Variants in FSTL5 observed in about 807,000 individuals in gnomAD.
FSTL5 encodes the protein follistatin like 5.
FSTL5 carries 62 observed loss-of-function variants against 89.1 expected under a neutral mutation model. The observed-to-expected ratio is 0.70, with a 90% CI of 0.57 to 0.86. The LOEUF is 0.86. Among genes scored for constraint, FSTL5 ranks in the 40% least tolerant of loss-of-function variants. The pLI, the probability that FSTL5 is intolerant of heterozygous loss-of-function variation, is 0.00. For missense variants in FSTL5, 1,057 were observed against 1,001.6 expected (o/e 1.06, Z -0.75); for synonymous variants, 383 against 346.2 (o/e 1.11, Z -1.18).
At chr4:161,667,186 T>C (rs1736931615) in intron 6 of FSTL5, among the ~76,000 whole-genome samples, 1 of 152,136 alleles carries the variant, frequency 6.6e-6, no homozygotes, top group South Asian at 2.1e-4. Context: ...AGGGTTCTGT[T>C]AACTTTCATT....
intron 7 of FSTL5, among the ~76,000 whole-genome samples, chr4:161,626,706 G>A (rs569986234): frequency 6.6e-6 from 1 of 152,280 alleles, no homozygotes; most frequent in East Asian, 1.9e-4. Context: ...ATCTGGGCAT[G>A]ATAAATTGAA....
At chr4:161,397,611 A>T (rs1342328909) in intron 15 of FSTL5, among the ~76,000 whole-genome samples, 1 of 150,522 alleles carries the variant, frequency 6.6e-6, no homozygotes, top group Non-Finnish European at 1.5e-5. Flanking sequence ...TGGTATTAAT[A>T]GTATTATAAT....
chr4:161,823,410 AG>A (rs1246486058), intron 4 of FSTL5, among the ~76,000 whole-genome samples: 2 of 152,328 alleles, frequency 1.3e-5, no homozygotes, highest in East Asian at 3.9e-4. Flanking sequence ...GGACTGAGAC[AG>A]CAGTGGGGCT....
At chr4:161,864,362 T>G (rs1732010978) in intron 4 of FSTL5, among the ~76,000 whole-genome samples, 1 of 152,192 alleles carries the variant, frequency 6.6e-6, no homozygotes, top group Non-Finnish European at 1.5e-5. Context: ...ATCTAAGTCA[T>G]GTGAAGCTCA....
chr4:162,015,531 C>G (rs62329595), intron 3 of FSTL5, among the ~76,000 whole-genome samples: 38,445 of 152,164 alleles, frequency 0.25, 5,444 homozygotes, highest in Non-Finnish European at 0.32. Flanking sequence ...ATAACTTAGC[C>G]TGAACCCAGA....
chr4:162,065,279 G>A (rs1738856776), intron 2 of FSTL5, among the ~76,000 whole-genome samples: 1 of 151,816 alleles, frequency 6.6e-6, no homozygotes, highest in African/African-American at 2.4e-5. Context: ...TATAATGGGT[G>A]AAAATATGTA....
In FSTL5 at chr4:161,728,587, C is replaced by T. The variant is rs1739501000; in HGVS notation, c.727+30824G>A. On this transcript the variant is annotated intron_variant, in intron 6 of 15. Transcript: ENST00000306100. ...GAGAATTCATCTAATCATATATATA[C>T]ACATATATATATGATGACAAAGAAG... 2.0e-5 allele frequency among the ~76,000 whole-genome samples: 3 copies of T among 151,924 alleles called. No individual in the cohort carries two copies. The South Asian group carries it at 6.2e-4, about 31-fold the overall frequency.
intron 3 of FSTL5, among the ~76,000 whole-genome samples, chr4:161,929,971 C>G (rs1382210980): frequency 6.6e-6 from 1 of 151,694 alleles, no homozygotes. Flanking sequence ...ACATTTTCTT[C>G]ACACCTAATG....
chr4:161,797,345 T>C (rs1042818195), intron 4 of FSTL5, among the ~76,000 whole-genome samples: 15 of 151,636 alleles, frequency 9.9e-5, no homozygotes, highest in Admixed American at 7.9e-4. Context: ...TTTCTCTCAA[T>C]TGGGTTAAAT....
intron 7 of FSTL5, among the ~76,000 whole-genome samples, chr4:161,644,768 T>C (rs1736088370): frequency 6.6e-6 from 1 of 152,184 alleles, no homozygotes; most frequent in African/African-American, 2.4e-5. Flanking sequence ...TCTCTGGTTA[T>C]AATATAAAGT....
At chr4:161,914,223 C>T (rs1454106451) in intron 4 of FSTL5, among the ~76,000 whole-genome samples, 1 of 151,886 alleles carries the variant, frequency 6.6e-6, no homozygotes, top group Non-Finnish European at 1.5e-5. Flanking sequence ...AGTGGAATAT[C>T]CATAAATCTA....
At chr4:161,539,367 C>T (rs143284693) in intron 9 of FSTL5, among the ~76,000 whole-genome samples, 17 of 152,130 alleles carry the variant, frequency 1.1e-4, no homozygotes, top group African/African-American at 3.1e-4. Context: ...TGATTGCCAT[C>T]GCTAGGAGCC....
rs753315476 is a variant in FSTL5 at position 161,775,967 on chromosome 4, TGTC to T, written c.514_516del (p.Asp172del). ...TCCACCAATAGCTTCTTCCGAGATA[TGTC>T]GTCGCCATTAGGATTTTCATTTTCT... On this transcript the variant is annotated inframe_deletion, in exon 5 of 16. Coordinates refer to ENST00000306100, the MANE Select transcript of FSTL5 (RefSeq NM_020116.5). 6.2e-7 allele frequency: 1 copy of T among 1,607,302 alleles called. No individual in the cohort carries two copies. The highest frequency in any genetic ancestry group is 8.5e-7 in the Non-Finnish European group (1 of 1,175,718).
intron 4 of FSTL5, among the ~76,000 whole-genome samples, chr4:161,793,212 C>A (rs986103040): frequency 5.9e-5 from 9 of 152,198 alleles, no homozygotes; most frequent in African/African-American, 1.9e-4. Flanking sequence ...AGACCCTGTG[C>A]TCATTCACCC....
At chr4:161,730,832 G>T (rs79028799) in intron 6 of FSTL5, among the ~76,000 whole-genome samples, 2,066 of 152,184 alleles carry the variant, frequency 0.014, 22 homozygotes, top group Non-Finnish European at 0.019. Context: ...GAAACACCAA[G>T]TATCTCATGA....
At chr4:162,162,868 G>GT (rs1375243709) in intron 1 of FSTL5, among the ~76,000 whole-genome samples, 2 of 152,138 alleles carry the variant, frequency 1.3e-5, no homozygotes, top group Non-Finnish European at 2.9e-5. Flanking sequence ...AGCGAATACT[G>GT]TATTATTAAA....
intron 2 of FSTL5, among the ~76,000 whole-genome samples, chr4:162,066,294 C>T (rs1489054434): frequency 1.0e-5 from 1 of 97,540 alleles, no homozygotes; most frequent in African/African-American, 3.8e-5. Flanking sequence ...CCTCCTCCTC[C>T]TACTTTTCTT....
Position 161,860,632 on chromosome 4 carries a change from T to C in FSTL5, c.409+59772A>G, listed in dbSNP as rs557286883. Among the ~76,000 whole-genome samples, 9 of 152,310 alleles carry C rather than the reference T, an allele frequency of 5.9e-5. No individual in the cohort carries two copies. The South Asian group carries it at 1.9e-3, about 32-fold the overall frequency. On this transcript the variant is annotated intron_variant, in intron 4 of 15. Coordinates refer to ENST00000306100, the MANE Select transcript of FSTL5 (RefSeq NM_020116.5). ...TACAATTGTTTGTCCTATGGATATG[T>C]AAAAATTAATCTAACCATTTCCCTA... is the stretch of plus-strand genomic sequence containing the variant.
chr4:161,603,333 C>A (rs1286294280), intron 7 of FSTL5, among the ~76,000 whole-genome samples: 1 of 152,132 alleles, frequency 6.6e-6, no homozygotes, highest in East Asian at 1.9e-4. Context: ...TGTGCAATAG[C>A]ATTACGTTTA....
Sources: allele counts gnomAD v4.1 joint callset (sites outside exome capture counted in the v4.1 genomes callset), GRCh38; gene constraint gnomAD v4.1.1; transcripts MANE v1.5; gene names NCBI Gene and HGNC (gene_info 2026-07-23, HGNC 2026-07-21).